RBFOX3: variants seen among roughly 807,000 people sequenced by gnomAD.
RBFOX3 encodes the protein RNA binding fox-1 homolog 3, also known as RNA binding protein fox-1 homolog 3.
RBFOX3 carries 17 observed loss-of-function variants against 48.7 expected under a neutral mutation model. The ratio of observed to expected loss-of-function variants is 0.35; its 90% confidence interval spans 0.24 to 0.52. RBFOX3 has a LOEUF of 0.52. Among genes scored for constraint, RBFOX3 ranks in the 20% least tolerant of loss-of-function variants. The pLI is 0.94. For synonymous variants in RBFOX3, 212 were observed against 209.5 expected (o/e 1.01, Z -0.10); for missense variants, 382 against 497.5 (o/e 0.77, Z 2.21).
intron 1 of RBFOX3, among the ~76,000 whole-genome samples, chr17:79,520,983 A>G (rs1330187108): frequency 2.0e-5 from 3 of 152,222 alleles, no homozygotes; most frequent in Middle Eastern, 3.2e-3. Flanking sequence ...GCCAAGCACA[A>G]GCCCTCCCGA....
In RBFOX3 at chr17:79,092,761, C is replaced by T. The variant is rs78495179; in HGVS notation, c.1077+1690G>A. 1.2e-4 allele frequency: 55 copies of T among 466,590 alleles called. No individual in the cohort carries two copies. In the East Asian group the frequency reaches 8.1e-3, roughly 68 times the overall value. The allele number at this position is 466,590 out of a possible 1,614,324, so 28.9% of individuals were successfully genotyped here. A position where few individuals can be genotyped will look rare whatever the true frequency, so the allele number is the denominator to read the frequency against. ...AAATAGCCAAGTCTCGATTTCTTTC[C>T]CCCTATATTCCTTGGGGAGAAAGGA... On this transcript the variant is annotated intron_variant, in intron 14 of 14. Coordinates refer to ENST00000693108, the MANE Select transcript of RBFOX3 (RefSeq NM_001350451.2).
intron 1 of RBFOX3, among the ~76,000 whole-genome samples, chr17:79,568,204 C>T (rs2092539568): frequency 6.6e-6 from 1 of 152,170 alleles, no homozygotes; most frequent in African/African-American, 2.4e-5. Flanking sequence ...AGCAAACATC[C>T]AAGGCCCCCA....
At position 79,214,030 on chromosome 17, in the gene RBFOX3, G is replaced by A. The variant is rs1457050356; in HGVS notation, c.-34+21736C>T. ...TTCCGTTTCCGAAGGTGGTGCCAGCGGATGTTGGGAGGCCCGGTGAACTAC... is the reference window on the plus strand; with the variant it reads ...TTCCGTTTCCGAAGGTGGTGCCAGCAGATGTTGGGAGGCCCGGTGAACTAC... On this transcript the variant is annotated intron_variant, in intron 4 of 14. Transcript: ENST00000693108. The surrounding 1 kb of genome is among the most constrained non-coding windows in gnomAD (Gnocchi z 4.7). 6.6e-6 allele frequency among the ~76,000 whole-genome samples: 1 copy of A among 152,188 alleles called. No individual in the cohort carries two copies. Among genetic ancestry groups the A allele is most frequent in the Non-Finnish European group, 1.5e-5 (1 of 68,046 alleles).
At chr17:79,221,087 G>T (rs2059672114) in intron 4 of RBFOX3, among the ~76,000 whole-genome samples, 1 of 152,202 alleles carries the variant, frequency 6.6e-6, no homozygotes, top group Non-Finnish European at 1.5e-5. Context: ...CTGCAGCCAG[G>T]ATTTCCGCTC....
intron 1 of RBFOX3, among the ~76,000 whole-genome samples, chr17:79,525,157 T>G (rs2086633726): frequency 6.6e-6 from 1 of 152,208 alleles, no homozygotes; most frequent in Non-Finnish European, 1.5e-5. Context: ...TCATTCCTAG[T>G]TGTGGGGCCG....
the RBFOX3 span, among the ~76,000 whole-genome samples, chr17:79,637,780 AGG>A: frequency 7.6e-5 from 3 of 39,706 alleles, no homozygotes; most frequent in Non-Finnish European, 1.0e-4. Flanking sequence ...AGGGAGGGGA[AGG>A]GAGGGGAAGA....
chr17:79,385,805 G>A (rs2060485705), intron 2 of RBFOX3, among the ~76,000 whole-genome samples: 1 of 151,318 alleles, frequency 6.6e-6, no homozygotes, highest in Non-Finnish European at 1.5e-5. Flanking sequence ...TGTAACAGAT[G>A]GGGTTCCAAC....
At chr17:79,414,658 G>C (rs964571708) in intron 2 of RBFOX3, among the ~76,000 whole-genome samples, 2 of 152,244 alleles carry the variant, frequency 1.3e-5, no homozygotes, top group African/African-American at 2.4e-5. Flanking sequence ...AGGTCTGGGA[G>C]GTCCGGCCTG....
Position 79,497,091 on chromosome 17 carries a change from C to T in RBFOX3, c.-319-14493G>A, listed in dbSNP as rs1451950676. Among the ~76,000 whole-genome samples the T allele has an allele frequency of 2.6e-5, 4 of 152,274 alleles. No homozygotes were observed. In the East Asian group the frequency reaches 5.8e-4, roughly 22 times the overall value. ...CATGAGAGCCCTCCTAAGGTGGAAG[C>T]GGAAGTCCTGGGTCCACCCCCTGCA... On this transcript the variant is annotated intron_variant, in intron 1 of 14. Coordinates refer to ENST00000693108, the MANE Select transcript of RBFOX3 (RefSeq NM_001350451.2).
chr17:79,398,877 C>G (rs2062403100), intron 2 of RBFOX3, among the ~76,000 whole-genome samples: 1 of 152,200 alleles, frequency 6.6e-6, no homozygotes, highest in African/African-American at 2.4e-5. Flanking sequence ...GAAGCGCAAA[C>G]CCCTGGTACC....
rs868991878 is a variant in RBFOX3 at position 79,456,231 on chromosome 17, A to G, written c.-175+26223T>C. On this transcript the variant is annotated intron_variant, in intron 2 of 14. Transcript: ENST00000693108. The stretch of plus-strand genomic sequence containing the variant: ...TGCTACTCAACCTGAAAATCTGGGC[A>G]TCATCCTTGCTCTGTCCTCTTCTCC... Among the ~76,000 whole-genome samples, 8 of 152,240 alleles carry G rather than the reference A, an allele frequency of 5.3e-5. 1 individual carries two copies. The highest frequency in any genetic ancestry group is 3.4e-3 in the Middle Eastern group (1 of 294).
At chr17:79,358,209 G>A (rs996730732) in intron 2 of RBFOX3, among the ~76,000 whole-genome samples, 4 of 152,248 alleles carry the variant, frequency 2.6e-5, no homozygotes, top group Middle Eastern at 3.4e-3. Context: ...GCCTCCCAAA[G>A]TGCTGGGATT....
At chr17:79,267,655 T>C (rs2066939402) in intron 3 of RBFOX3, among the ~76,000 whole-genome samples, 1 of 152,100 alleles carries the variant, frequency 6.6e-6, no homozygotes, top group South Asian at 2.1e-4. Context: ...TCTCCCAAAG[T>C]GCTGGGATTA....
Position 79,363,377 on chromosome 17 carries a change from T to C in RBFOX3, c.-174-55553A>G, listed in dbSNP as rs1455578318. The stretch of plus-strand genomic sequence containing the variant: ...CAGGATTCCTGGGATACCCAGGAAG[T>C]CTGTGGGCTGTTCCCTCTGGAAATA... On this transcript the variant is annotated intron_variant, in intron 2 of 14. Coordinates refer to ENST00000693108, the MANE Select transcript of RBFOX3 (RefSeq NM_001350451.2). This position sits in a 1 kb window ranked among gnomAD's most constrained non-coding sequence, Gnocchi z 4.7. Among the ~76,000 whole-genome samples the C allele has an allele frequency of 1.3e-5, 2 of 152,038 alleles. No homozygotes were observed. The highest frequency in any genetic ancestry group is 1.5e-5 in the Non-Finnish European group (1 of 67,982).
the RBFOX3 span, among the ~76,000 whole-genome samples, chr17:79,643,140 A>G: frequency 6.6e-6 from 1 of 152,254 alleles, no homozygotes; most frequent in Non-Finnish European, 1.5e-5. Context: ...CATGCTAACA[A>G]TAAGCATAAG....
At chr17:79,649,707 G>GA in the RBFOX3 span, among the ~76,000 whole-genome samples, 13,972 of 151,978 alleles carry the variant, frequency 0.092, 775 homozygotes, top group African/African-American at 0.16. Flanking sequence ...CCTCAAAAAA[G>GA]AAAAAAAGAA....
At chr17:79,286,198 T>A (rs2071834189) in intron 3 of RBFOX3, among the ~76,000 whole-genome samples, 1 of 152,216 alleles carries the variant, frequency 6.6e-6, no homozygotes, top group African/African-American at 2.4e-5. Context: ...CTGCCTTGAT[T>A]GGCATTGCAG....
At chr17:79,612,611 A>G (rs932797212), upstream of RBFOX3, among the ~76,000 whole-genome samples, 1 of 152,210 alleles carries the variant, frequency 6.6e-6, no homozygotes, top group African/African-American at 2.4e-5. Flanking sequence ...CGTGTTATAC[A>G]ATTCCAAGCA....
At position 79,544,517 on chromosome 17, in the gene RBFOX3, G is replaced by A. The variant is rs189917687; in HGVS notation, c.-319-61919C>T. Among the ~76,000 whole-genome samples the A allele has an allele frequency of 2.4e-4, 36 of 152,068 alleles. No individual in the cohort carries two copies. The East Asian group carries it at 6.6e-3, about 28-fold the overall frequency. ...GAGAAACAAAGCGCAGAAGGATCAG[G>A]AGCCCCCATCAAGGCTTGGAGAAGT... On this transcript the variant is annotated intron_variant, in intron 1 of 14. Transcript: ENST00000693108.
Sources: allele counts gnomAD v4.1 joint callset (sites outside exome capture counted in the v4.1 genomes callset), GRCh38; gene constraint gnomAD v4.1.1; non-coding constraint Gnocchi (gnomAD v3.1); transcripts MANE v1.5; gene names NCBI Gene and HGNC (gene_info 2026-07-23, HGNC 2026-07-21).